The following ZMYM2 variants were observed in gnomAD, a reference collection of about 807,000 sequenced individuals.
The protein encoded by ZMYM2 is zinc finger MYM-type containing 2.
In ZMYM2, 56 loss-of-function variants were observed where a neutral mutation model predicts 162.8. The ratio of observed to expected loss-of-function variants is 0.34; its 90% CI spans 0.28 to 0.43. ZMYM2 has a LOEUF of 0.43. Ranked by LOEUF, ZMYM2 falls within the 20% of genes least tolerant of loss-of-function variation. ZMYM2 has a pLI of 1.00. For synonymous variants in ZMYM2, 510 were observed against 541.6 expected (o/e 0.94, Z 0.81); for missense variants, 1,275 against 1,621.8 (o/e 0.79, Z 3.67).
In ZMYM2 at chr13:20,086,300, G is replaced by A. The variant is rs573189959; in HGVS notation, c.*286G>A. 3.8e-6 allele frequency: 1 copy of A among 264,828 alleles called. No individual in the cohort carries two copies. Among genetic ancestry groups the A allele is most frequent in the Admixed American group, 4.9e-5 (1 of 20,336 alleles). 16.4% of individuals were successfully genotyped at this position (264,828 alleles called of 1,614,324 possible). ...CATTACAGAATATGAATGAGAATGTGCCATGTATAATTTTTTTCTTGTAGT... is the reference window on the plus strand; with the variant it reads ...CATTACAGAATATGAATGAGAATGTACCATGTATAATTTTTTTCTTGTAGT... On this transcript the variant is annotated 3_prime_UTR_variant, in exon 25 of 25. Transcript: ENST00000610343.
intron 21 of ZMYM2, chr13:20,070,792 A>T (rs1957028361): frequency 6.6e-6 from 1 of 152,618 alleles, no homozygotes; most frequent in Non-Finnish European, 1.5e-5. Flanking sequence ...TACATGCGTG[A>T]GCCACTGCGC....
At chr13:19,910,011 C>G in the ZMYM2 span, among the ~76,000 whole-genome samples, 1 of 149,888 alleles carries the variant, frequency 6.7e-6, no homozygotes, top group African/African-American at 2.5e-5. Context: ...GTCAGGAGAT[C>G]GAGACCATCC....
intron 2 of ZMYM2, among the ~76,000 whole-genome samples, chr13:19,979,428 CTTTTT>C (rs71763618): frequency 4.5e-5 from 5 of 110,842 alleles, no homozygotes; most frequent in Middle Eastern, 4.5e-3. Context: ...TTTTTCTGCA[CTTTTT>C]TTTTTTTTTT....
the ZMYM2 span, among the ~76,000 whole-genome samples, chr13:19,897,773 C>T: frequency 8.6e-5 from 13 of 151,944 alleles, 1 homozygote; most frequent in Admixed American, 4.6e-4. Flanking sequence ...ATGTAATTGA[C>T]CATATAAAAT....
At chr13:19,870,357 C>T in the ZMYM2 span, among the ~76,000 whole-genome samples, 1 of 151,382 alleles carries the variant, frequency 6.6e-6, no homozygotes, top group African/African-American at 2.4e-5. Flanking sequence ...AGGCTGGTCT[C>T]AAACTCCTGA....
intron 10 of ZMYM2, among the ~76,000 whole-genome samples, chr13:20,032,665 A>G (rs1173883342): frequency 1.5e-5 from 2 of 135,682 alleles, no homozygotes; most frequent in Non-Finnish European, 3.0e-5. Flanking sequence ...CTGGAGTACA[A>G]TGGCGTGATC....
the ZMYM2 span, among the ~76,000 whole-genome samples, chr13:19,910,660 C>T: frequency 6.6e-6 from 1 of 151,830 alleles, no homozygotes; most frequent in Non-Finnish European, 1.5e-5. Context: ...CACCTTTCAT[C>T]ATGACTCTGA....
At chr13:20,080,150 AC>A (rs1957813082) in intron 21 of ZMYM2, among the ~76,000 whole-genome samples, 1 of 152,168 alleles carries the variant, frequency 6.6e-6, no homozygotes, top group African/African-American at 2.4e-5. Context: ...TAGAGCATCA[AC>A]CCTTTAACTA....
chr13:19,971,244 G>GTGTATATATA (rs5802035), intron 2 of ZMYM2, among the ~76,000 whole-genome samples: 12 of 50,128 alleles, frequency 2.4e-4, no homozygotes, highest in African/African-American at 3.9e-4. Flanking sequence ...GTGTGTGTGT[G>GTGTATATATA]TATATATATA....
chr13:20,051,928 G>A (rs1370078948), intron 13 of ZMYM2, among the ~76,000 whole-genome samples: 1 of 152,052 alleles, frequency 6.6e-6, no homozygotes, highest in African/African-American at 2.4e-5. Flanking sequence ...ATTATTTTTA[G>A]CAAATCGTAT....
At chr13:20,005,362 A>T (rs541846749) in intron 5 of ZMYM2, 123 bp downstream of exon 5, 1 of 666,378 alleles carries the variant, frequency 1.5e-6, no homozygotes, top group African/African-American at 1.9e-5. Context: ...AGACTATCTT[A>T]TAAATATCCT....
intron 12 of ZMYM2, among the ~76,000 whole-genome samples, chr13:20,040,126 C>G (rs963271670): frequency 6.6e-6 from 1 of 152,180 alleles, no homozygotes; most frequent in Non-Finnish European, 1.5e-5. Context: ...AGAAGTCCCC[C>G]CTCCTCAATT....
the ZMYM2 span, among the ~76,000 whole-genome samples, chr13:19,878,517 C>CCCCCTTTTTTTTTTTTTTTTTTTTTTTTT: frequency 1.0e-5 from 1 of 99,028 alleles, no homozygotes. Context: ...TTCCTTTGCC[C>CCCCCTTTTTTTTTTTTTTTTTTTTTTTTT]TTTTTTTTTT....
Position 20,088,170 on chromosome 13 carries a change from C to G in ZMYM2, c.*2156C>G, listed in dbSNP as rs1015170661. Reference sequence around the variant, plus strand: ...ATGATTGAGGATTTAGAGCTCTTGTCTTTGTCTTGATTGCAATCCAACGAT... The same window carrying G: ...ATGATTGAGGATTTAGAGCTCTTGTGTTTGTCTTGATTGCAATCCAACGAT... On this transcript the variant is annotated 3_prime_UTR_variant, in exon 25 of 25. Transcript: ENST00000610343. 1 of 205,832 alleles carries G rather than the reference C, an allele frequency of 4.9e-6. No individual in the cohort carries two copies. The highest frequency in any genetic ancestry group is 5.9e-5 in the Admixed American group (1 of 16,862). The allele number at this position is 205,832 out of a possible 1,614,324, so 12.8% of individuals were successfully genotyped here.
At chr13:19,981,096 A>C (rs1305263781) in intron 2 of ZMYM2, among the ~76,000 whole-genome samples, 1 of 151,878 alleles carries the variant, frequency 6.6e-6, no homozygotes, top group African/African-American at 2.4e-5. Flanking sequence ...ACATAGGGAG[A>C]CCTCATCTCT....
chr13:19,910,534 C>CTT, the ZMYM2 span, among the ~76,000 whole-genome samples: 24 of 147,706 alleles, frequency 1.6e-4, no homozygotes, highest in South Asian at 2.5e-3. Context: ...CTCTCTCTCT[C>CTT]TTTTTTTTTT....
At chr13:20,003,251 G>A (rs1950516956) in intron 4 of ZMYM2, 116 bp downstream of exon 4, 1 of 1,244,860 alleles carries the variant, frequency 8.0e-7, no homozygotes, top group Non-Finnish European at 1.1e-6. Context: ...AGTCCAGGTG[G>A]CATATGGATA....
chr13:19,889,563 G>A, the ZMYM2 span, among the ~76,000 whole-genome samples: 30 of 151,576 alleles, frequency 2.0e-4, no homozygotes, highest in Admixed American at 1.2e-3. Flanking sequence ...CAGGAGATCC[G>A]CCCGCCTCAG....
the ZMYM2 span, among the ~76,000 whole-genome samples, chr13:19,949,178 G>A: frequency 6.6e-6 from 1 of 152,102 alleles, no homozygotes; most frequent in African/African-American, 2.4e-5. Context: ...GGGAGGCCGA[G>A]GCGAATGAAT....
Sources: gnomAD v4.1 joint callset for allele counts (sites outside exome capture counted in the v4.1 genomes callset) on GRCh38, gnomAD v4.1.1 for gene constraint, MANE v1.5 for transcripts, NCBI Gene and HGNC (gene_info 2026-07-23, HGNC 2026-07-21) for gene names.